The following WDFY3 variants were observed in gnomAD, a reference collection of about 807,000 sequenced individuals.
WDFY3 encodes WD repeat and FYVE domain-containing protein 3.
A neutral mutation model predicts 409.6 loss-of-function variants in WDFY3; 66 were observed. That is an observed-to-expected ratio of 0.16 (90% confidence interval 0.13 to 0.20). WDFY3 has a LOEUF of 0.20. Among genes scored for constraint, WDFY3 ranks in the 10% least tolerant of loss-of-function variants. WDFY3 has a pLI of 1.00. For synonymous variants in WDFY3, 1,521 were observed against 1,537.1 expected (o/e 0.99, Z 0.25); for missense variants, 3,031 against 4,298.1 (o/e 0.71, Z 8.24).
intron 37 of WDFY3, among the ~76,000 whole-genome samples, chr4:84,742,813 T>TC (rs1738688005): frequency 6.6e-6 from 1 of 152,078 alleles, no homozygotes; most frequent in Non-Finnish European, 1.5e-5. Context: ...ATGAAACTGG[T>TC]CCCCAGTGCC....
intron 3 of WDFY3, among the ~76,000 whole-genome samples, chr4:84,891,975 C>T (rs189069436): frequency 1.6e-4 from 24 of 151,786 alleles, no homozygotes; most frequent in Non-Finnish European, 3.1e-4. Flanking sequence ...CACAGAATAA[C>T]CCTGCAAACA....
chr4:84,722,700 T>TCA (rs1358064168), intron 46 of WDFY3, among the ~76,000 whole-genome samples: 1 of 152,178 alleles, frequency 6.6e-6, no homozygotes, highest in Admixed American at 6.5e-5. Context: ...GCATGCCAAA[T>TCA]CACACATTTT....
Position 84,737,367 on chromosome 4 carries a change from C to A in WDFY3, c.6575-1G>T. Reference sequence around the variant, plus strand: ...ACAGCTTTTATGAGAAGCTGACGCCCTAGTAAACAAACAAACAAACAAACA... The same window carrying A: ...ACAGCTTTTATGAGAAGCTGACGCCATAGTAAACAAACAAACAAACAAACA... On this transcript the variant is annotated splice_acceptor_variant, in intron 40 of 67. Transcript: ENST00000295888. LOFTEE classifies it high-confidence loss of function. The A allele has an allele frequency of 6.5e-7, 1 of 1,546,614 alleles. No individual in the cohort carries two copies. Among genetic ancestry groups the A allele is most frequent in the South Asian group, 1.2e-5 (1 of 81,592 alleles).
At chr4:84,848,506 C>A (rs1578800938) in intron 5 of WDFY3, among the ~76,000 whole-genome samples, 2 of 152,322 alleles carry the variant, frequency 1.3e-5, no homozygotes, top group South Asian at 4.1e-4. Flanking sequence ...ACACCCACCA[C>A]TGACCATCTC....
At chr4:84,934,896 G>A (rs1561111172) in intron 1 of WDFY3, among the ~76,000 whole-genome samples, 2 of 151,954 alleles carry the variant, frequency 1.3e-5, no homozygotes, top group Non-Finnish European at 2.9e-5. Context: ...ATATCACATA[G>A]GTACATCTTC....
chr4:84,855,028 CAG>C (rs1759561534), intron 4 of WDFY3, among the ~76,000 whole-genome samples: 2 of 151,808 alleles, frequency 1.3e-5, no homozygotes, highest in African/African-American at 2.4e-5. Context: ...AAATTCATAA[CAG>C]ATTAAAAAAA....
intron 5 of WDFY3, among the ~76,000 whole-genome samples, chr4:84,842,212 C>G (rs1578772285): frequency 6.6e-6 from 1 of 152,138 alleles, no homozygotes; most frequent in African/African-American, 2.4e-5. Flanking sequence ...CATGGTGGCT[C>G]ACACCTGTAA....
intron 56 of WDFY3, among the ~76,000 whole-genome samples, chr4:84,698,842 G>A (rs1411221961): frequency 1.3e-5 from 2 of 151,922 alleles, no homozygotes; most frequent in African/African-American, 4.8e-5. Flanking sequence ...CACACACCAC[G>A]ATGCCCAGCT....
intron 3 of WDFY3, among the ~76,000 whole-genome samples, chr4:84,885,821 A>C (rs1764146740): frequency 6.6e-6 from 1 of 152,196 alleles, no homozygotes; most frequent in African/African-American, 2.4e-5. Context: ...AATGAACTGG[A>C]TCTAAAGGGC....
In WDFY3 at chr4:84,738,862, G is replaced by A. The variant is rs1046863547; in HGVS notation, c.6574+148C>T. On this transcript the variant is annotated intron_variant, in intron 40 of 67. Coordinates refer to ENST00000295888, the MANE Select transcript of WDFY3 (RefSeq NM_014991.6). ...ACTGGTTAGTGCTTTACTGTTATTG[G>A]CATGAGGAGACTCTTTATGTATAGG... The A allele has an allele frequency of 1.7e-5, 11 of 649,776 alleles. No individual in the cohort carries two copies. In the South Asian group the frequency reaches 1.9e-4, roughly 11 times the overall value. 40.3% of individuals were successfully genotyped at this position (649,776 alleles called of 1,614,324 possible). A position where few individuals can be genotyped will look rare whatever the true frequency, so the allele number is the denominator to read the frequency against.
At chr4:84,873,912 A>T (rs1255188589) in intron 3 of WDFY3, among the ~76,000 whole-genome samples, 1 of 151,684 alleles carries the variant, frequency 6.6e-6, no homozygotes, top group Non-Finnish European at 1.5e-5. Context: ...CCTCCCTAGT[A>T]CAAGGCTACA....
chr4:84,937,874 T>G (rs987583842), intron 1 of WDFY3, among the ~76,000 whole-genome samples: 1 of 152,138 alleles, frequency 6.6e-6, no homozygotes, highest in Non-Finnish European at 1.5e-5. Flanking sequence ...ATGATTACAG[T>G]AGACCCTTCC....
At chr4:84,941,019 A>T (rs1218126003) in intron 1 of WDFY3, among the ~76,000 whole-genome samples, 1 of 152,090 alleles carries the variant, frequency 6.6e-6, no homozygotes, top group East Asian at 1.9e-4. Context: ...AAACTTACTC[A>T]ACCTGATAAA....
intron 30 of WDFY3, among the ~76,000 whole-genome samples, 181 bp downstream of exon 30, chr4:84,772,654 T>C (rs1349505927): frequency 1.3e-5 from 2 of 152,136 alleles, no homozygotes; most frequent in Non-Finnish European, 2.9e-5. Flanking sequence ...TTGTAGGCAA[T>C]ACTGTATAGG....
At chr4:84,702,245 A>T (rs757478956) in intron 56 of WDFY3, 108 bp downstream of exon 56, 29 of 1,220,588 alleles carry the variant, frequency 2.4e-5, no homozygotes, top group South Asian at 1.6e-4. Context: ...ACTGTATCAA[A>T]TTTTTTTCTT....
intron 2 of WDFY3, among the ~76,000 whole-genome samples, chr4:84,922,442 T>C (rs765939009): frequency 2.0e-5 from 3 of 152,160 alleles, no homozygotes; most frequent in Non-Finnish European, 4.4e-5. Flanking sequence ...TTATAACAAA[T>C]AACACTTGTT....
intron 4 of WDFY3, among the ~76,000 whole-genome samples, chr4:84,853,997 C>T (rs1434965717): frequency 2.6e-5 from 4 of 151,880 alleles, no homozygotes; most frequent in Non-Finnish European, 4.4e-5. Context: ...GCACAGAAGA[C>T]CAGTGGTAAA....
intron 56 of WDFY3, among the ~76,000 whole-genome samples, chr4:84,699,714 T>C (rs1730769430): frequency 6.6e-6 from 1 of 152,126 alleles, no homozygotes; most frequent in South Asian, 2.1e-4. Flanking sequence ...CCAGCCCTTG[T>C]TGTTTTTCAG....
At chr4:84,923,258 A>G (rs1769519598) in intron 2 of WDFY3, among the ~76,000 whole-genome samples, 1 of 152,228 alleles carries the variant, frequency 6.6e-6, no homozygotes, top group Non-Finnish European at 1.5e-5. Context: ...TATACTACAA[A>G]GAAAACAGCA....
Sources: allele counts gnomAD v4.1 joint callset (sites outside exome capture counted in the v4.1 genomes callset), GRCh38; gene constraint gnomAD v4.1.1; transcripts MANE v1.5; gene names NCBI Gene and HGNC (gene_info 2026-07-23, HGNC 2026-07-21).